The following UTRN variants were observed in gnomAD, a reference collection of about 807,000 sequenced individuals.
UTRN encodes the protein dystrophin-related protein 1.
In UTRN, 283 loss-of-function variants were observed where a neutral mutation model predicts 463.9. The ratio of observed to expected loss-of-function variants is 0.61; its 90% CI spans 0.55 to 0.67. UTRN has a LOEUF of 0.67. Ranked by LOEUF, UTRN falls within the 30% of genes least tolerant of loss-of-function variation. UTRN has a pLI of 0.00. For synonymous variants in UTRN, 1,442 were observed against 1,431.5 expected (o/e 1.01, Z -0.17); for missense variants, 3,922 against 4,084.3 (o/e 0.96, Z 1.08).
intron 12 of UTRN, among the ~76,000 whole-genome samples, chr6:144,439,573 C>A (rs1786924962): frequency 6.6e-6 from 1 of 152,126 alleles, no homozygotes. Context: ...GCTCACTGCA[C>A]CCTCTGCCTC....
intron 51 of UTRN, among the ~76,000 whole-genome samples, chr6:144,619,829 G>T (rs1422042468): frequency 6.6e-6 from 1 of 152,162 alleles, no homozygotes; most frequent in African/African-American, 2.4e-5. Flanking sequence ...AAATTTTGCG[G>T]ATAATGTTTC....
intron 51 of UTRN, among the ~76,000 whole-genome samples, chr6:144,594,266 A>G (rs1803416939): frequency 1.4e-5 from 2 of 147,296 alleles, no homozygotes; most frequent in Non-Finnish European, 3.0e-5. Flanking sequence ...AAGTGCTTTA[A>G]TATATTTTTT....
chr6:144,402,570 A>G (rs1783021561), intron 2 of UTRN, among the ~76,000 whole-genome samples: 1 of 152,202 alleles, frequency 6.6e-6, no homozygotes, highest in Non-Finnish European at 1.5e-5. Flanking sequence ...AAAAGTTCGT[A>G]TAGATCAAGA....
At position 144,458,761 on chromosome 6, in the gene UTRN, T is replaced by C; in HGVS notation, c.2285-9T>C. The stretch of plus-strand genomic sequence containing the variant: ...ATAGACTGTTTGCTTGTTTTTCATG[T>C]CTGCATAGAAGGCCTTCCTACTGAA... On this transcript the variant is annotated splice_polypyrimidine_tract_variant and intron_variant, in intron 19 of 74. Transcript: ENST00000367545. 1 of 1,572,962 alleles carries C rather than the reference T, an allele frequency of 6.4e-7. No individual in the cohort carries two copies. The highest frequency in any genetic ancestry group is 8.6e-7 in the Non-Finnish European group (1 of 1,165,868).
At chr6:144,727,734 C>T (rs915851892) in intron 53 of UTRN, among the ~76,000 whole-genome samples, 13 of 152,026 alleles carry the variant, frequency 8.6e-5, no homozygotes, top group Non-Finnish European at 4.4e-5. Context: ...CACTGCACTC[C>T]AGCCTGGGCA....
chr6:144,733,742 A>G (rs1789038943), intron 54 of UTRN, among the ~76,000 whole-genome samples: 1 of 152,156 alleles, frequency 6.6e-6, no homozygotes, highest in Non-Finnish European at 1.5e-5. Context: ...AATGGTTAAG[A>G]GCCTTAGAGA....
chr6:144,827,886 C>T (rs1332401281), intron 68 of UTRN, among the ~76,000 whole-genome samples: 1 of 152,078 alleles, frequency 6.6e-6, no homozygotes, highest in Non-Finnish European at 1.5e-5. Context: ...GAAAAGTAAA[C>T]CTAACCAGGA....
chr6:144,296,164 C>T lies in UTRN; in HGVS notation c.79+4257C>T, dbSNP rs569400500. On this transcript the variant is annotated intron_variant, in intron 2 of 74. Transcript: ENST00000367545. ...TCCCAGGGCCTGGACTGGTACCAGTCCGTTGCCTGTTAGGGACCAGGTGGC... is the reference window on the plus strand; with the variant it reads ...TCCCAGGGCCTGGACTGGTACCAGTTCGTTGCCTGTTAGGGACCAGGTGGC... 2.0e-5 allele frequency among the ~76,000 whole-genome samples: 3 copies of T among 152,334 alleles called. No individual in the cohort carries two copies. The East Asian group carries it at 5.8e-4, about 29-fold the overall frequency.
At position 144,516,800 on chromosome 6, in the gene UTRN, T is replaced by C. The variant is rs758456780; in HGVS notation, c.5404-11T>C. The stretch of plus-strand genomic sequence containing the variant: ...TTTTGAGTCATTTTTTTTTTCCTTT[T>C]AAAAATTTAGATGGATGAGGAGAGT... On this transcript the variant is annotated splice_polypyrimidine_tract_variant and intron_variant, in intron 38 of 74. Transcript: ENST00000367545. 1 of 1,442,736 alleles carries C rather than the reference T, an allele frequency of 6.9e-7. No homozygotes were observed. Among genetic ancestry groups the C allele is most frequent in the Admixed American group, 2.8e-5 (1 of 36,360 alleles). The allele number at this position is 1,442,736 out of a possible 1,614,324, so 89.4% of individuals were successfully genotyped here. A position where few individuals can be genotyped will look rare whatever the true frequency, so the allele number is the denominator to read the frequency against.
At chr6:144,345,375 G>C (rs1464709011) in intron 2 of UTRN, among the ~76,000 whole-genome samples, 3 of 152,112 alleles carry the variant, frequency 2.0e-5, no homozygotes, top group African/African-American at 7.2e-5. Flanking sequence ...TCAGGGACCT[G>C]AATTAAAACT....
At chr6:144,321,381 C>A (rs745731297) in intron 2 of UTRN, among the ~76,000 whole-genome samples, 1 of 151,158 alleles carries the variant, frequency 6.6e-6, no homozygotes, top group Non-Finnish European at 1.5e-5. Flanking sequence ...GAAGCCAAGG[C>A]AGAGAGTGGG....
chr6:144,847,858 G>A (rs1782155062), intron 74 of UTRN, among the ~76,000 whole-genome samples: 1 of 152,144 alleles, frequency 6.6e-6, no homozygotes, highest in African/African-American at 2.4e-5. Flanking sequence ...TAGGGATCCT[G>A]AGATTTTGTT....
chr6:144,344,042 G>T lies in UTRN; in HGVS notation c.79+52135G>T, dbSNP rs1011888999. On this transcript the variant is annotated intron_variant, in intron 2 of 74. Coordinates refer to ENST00000367545, the MANE Select transcript of UTRN (RefSeq NM_007124.3). Reference sequence around the variant, plus strand: ...ACTTCCTCTCTGGTGTTTAGAGGAGGTGGGGTTAGGTTTAGTCAGATCCTC... The same window carrying T: ...ACTTCCTCTCTGGTGTTTAGAGGAGTTGGGGTTAGGTTTAGTCAGATCCTC... 8 of 750,218 alleles carry T rather than the reference G, an allele frequency of 1.1e-5. No homozygotes were observed. In the African/African-American group the frequency reaches 1.5e-4, roughly 14 times the overall value. The allele number at this position is 750,218 out of a possible 1,614,324, so 46.5% of individuals were successfully genotyped here. A position where few individuals can be genotyped will look rare whatever the true frequency, so the allele number is the denominator to read the frequency against.
At chr6:144,722,465 G>A (rs1787304712) in intron 53 of UTRN, among the ~76,000 whole-genome samples, 1 of 151,786 alleles carries the variant, frequency 6.6e-6, no homozygotes, top group Admixed American at 6.6e-5. Context: ...GCCTCCCTGT[G>A]TCCACACTCC....
intron 51 of UTRN, among the ~76,000 whole-genome samples, chr6:144,655,703 A>G (rs1255221030): frequency 6.6e-6 from 1 of 152,282 alleles, no homozygotes; most frequent in East Asian, 1.9e-4. Context: ...TAGAAAACAT[A>G]CTTGATCTTT....
chr6:144,528,032 A>ATTTTTTTTTTTT (rs201546711), intron 41 of UTRN, among the ~76,000 whole-genome samples: 2 of 112,112 alleles, frequency 1.8e-5, no homozygotes, highest in Non-Finnish European at 3.6e-5. Context: ...AGCTAGTGTG[A>ATTTTTTTTTTTT]TTTTTTTTTT....
At chr6:144,731,876 T>G (rs2128714534) in intron 54 of UTRN, among the ~76,000 whole-genome samples, 1 of 152,230 alleles carries the variant, frequency 6.6e-6, no homozygotes, top group Middle Eastern at 3.4e-3. Context: ...TTTTCTTTTT[T>G]TTTGAGACAG....
chr6:144,709,206 A>G (rs919325513), intron 53 of UTRN, among the ~76,000 whole-genome samples: 1 of 152,116 alleles, frequency 6.6e-6, no homozygotes, highest in African/African-American at 2.4e-5. Context: ...TCTCTTCTTT[A>G]AGGGAATACA....
At chr6:144,836,273 A>C (rs373998236) in intron 70 of UTRN, 28 bp from the exon 71 acceptor site, 6 of 1,613,524 alleles carry the variant, frequency 3.7e-6, no homozygotes, top group Non-Finnish European at 5.1e-6. Flanking sequence ...CGTGGTAGTC[A>C]TTCTGTTTCT....
Sources: gnomAD v4.1 joint callset for allele counts (sites outside exome capture counted in the v4.1 genomes callset) on GRCh38, gnomAD v4.1.1 for gene constraint, MANE v1.5 for transcripts, NCBI Gene and HGNC (gene_info 2026-07-23, HGNC 2026-07-21) for gene names.